RAP1GAP2: variants seen among roughly 807,000 people sequenced by gnomAD.
RAP1GAP2 encodes the protein RAP1 GTPase activating protein 2.
In RAP1GAP2, 27 loss-of-function variants were observed where a neutral mutation model predicts 95.0. The observed-to-expected ratio is 0.28, with a 90% CI of 0.21 to 0.39. The LOEUF (loss-of-function observed/expected upper bound fraction) is 0.39, where lower values mean the gene tolerates loss of function less well. Among genes scored for constraint, RAP1GAP2 ranks in the 10% least tolerant of loss-of-function variants. The pLI, the probability that RAP1GAP2 is intolerant of heterozygous loss-of-function variation, is 1.00. For missense variants in RAP1GAP2, 771 were observed against 970.0 expected (o/e 0.79, Z 2.72); for synonymous variants, 373 against 380.9 (o/e 0.98, Z 0.24).
rs1432774073 is a variant in RAP1GAP2, at chr17:2,904,506, C to G, written c.81-778C>G. On this transcript the variant is annotated intron_variant, in intron 2 of 24. Coordinates refer to ENST00000254695, the MANE Select transcript of RAP1GAP2 (RefSeq NM_015085.5). This position sits in a 1 kb window ranked among gnomAD's most constrained non-coding sequence, Gnocchi z 4.7. ...TTGCACGGCAGGCAGCCCTGTCTCC[C>G]GAGGACAGCTTTTTGACCAGGGCCT... 6.8e-6 allele frequency among the ~76,000 whole-genome samples: 1 copy of G among 146,086 alleles called. No homozygotes were observed. Among genetic ancestry groups the G allele is most frequent in the Non-Finnish European group, 1.5e-5 (1 of 65,888 alleles).
chr17:2,756,904 G>T (rs1421789510), intron 1 of RAP1GAP2, among the ~76,000 whole-genome samples: 1 of 152,112 alleles, frequency 6.6e-6, no homozygotes, highest in Non-Finnish European at 1.5e-5. Flanking sequence ...TTTGAACCAG[G>T]TCTTGCTCAG....
intron 2 of RAP1GAP2, among the ~76,000 whole-genome samples, chr17:2,823,699 A>G (rs1423563939): frequency 1.3e-5 from 2 of 152,222 alleles, no homozygotes; most frequent in African/African-American, 2.4e-5. Context: ...CTCAAGGTCA[A>G]AAGAGGCAAC....
chr17:2,844,337 A>G (rs11650814), intron 2 of RAP1GAP2, among the ~76,000 whole-genome samples: 24,674 of 152,054 alleles, frequency 0.16, 2,122 homozygotes, highest in East Asian at 0.19. Flanking sequence ...GCGGTTTCTG[A>G]AGCTGCTTTG....
At chr17:2,872,987 C>T (rs2072910592) in intron 2 of RAP1GAP2, among the ~76,000 whole-genome samples, 3 of 151,990 alleles carry the variant, frequency 2.0e-5, no homozygotes, top group Admixed American at 1.3e-4. Context: ...TCTGTAATCC[C>T]AGCTGCTTGG....
intron 3 of RAP1GAP2, among the ~76,000 whole-genome samples, chr17:2,936,562 A>C (rs145364630): frequency 6.6e-6 from 1 of 152,008 alleles, no homozygotes; most frequent in Non-Finnish European, 1.5e-5. Context: ...TGTGACCTTC[A>C]GCAGGCCAGT....
intron 3 of RAP1GAP2, among the ~76,000 whole-genome samples, chr17:2,943,410 C>T (rs1254458138): frequency 9.2e-5 from 14 of 152,204 alleles, no homozygotes; most frequent in Non-Finnish European, 1.5e-4. Flanking sequence ...ACAGTGCTCA[C>T]GCCTGTAATC....
chr17:3,013,069 G>C (rs1040943237), intron 17 of RAP1GAP2, among the ~76,000 whole-genome samples: 25 of 152,194 alleles, frequency 1.6e-4, no homozygotes, highest in African/African-American at 5.3e-4. Flanking sequence ...GATGGACCCG[G>C]GACCGTGGCA....
chr17:2,909,172 G>A (rs774974421), intron 3 of RAP1GAP2, among the ~76,000 whole-genome samples: 1 of 152,100 alleles, frequency 6.6e-6, no homozygotes, highest in East Asian at 1.9e-4. Flanking sequence ...TTCCTGAGGC[G>A]GCACCTCGAG....
chr17:2,977,746 TAAAA>T (rs35219186), intron 8 of RAP1GAP2, among the ~76,000 whole-genome samples: 4 of 76,860 alleles, frequency 5.2e-5, no homozygotes, highest in South Asian at 4.4e-4. Context: ...GACTCCGTCT[TAAAA>T]AAAAAAAAAA....
intron 2 of RAP1GAP2, among the ~76,000 whole-genome samples, chr17:2,887,624 C>T (rs1423445780): frequency 1.3e-5 from 2 of 151,924 alleles, no homozygotes; most frequent in East Asian, 3.9e-4. Context: ...ATCTGCCTGC[C>T]TCAGCCTCCC....
At chr17:2,962,495 A>G in intron 4 of RAP1GAP2, 175 bp from the exon 5 acceptor site, 2 of 628,320 alleles carry the variant, frequency 3.2e-6, no homozygotes, top group East Asian at 6.5e-5. Flanking sequence ...CTGTTGCCTC[A>G]CCTGAGGCTG....
At chr17:2,939,209 T>TCC in intron 3 of RAP1GAP2, among the ~76,000 whole-genome samples, 2 of 151,878 alleles carry the variant, frequency 1.3e-5, no homozygotes. Context: ...TCTGCCTCAC[T>TCC]CCCCCGAGTA....
chr17:2,874,168 G>T (rs946338445), intron 2 of RAP1GAP2, among the ~76,000 whole-genome samples: 5 of 152,194 alleles, frequency 3.3e-5, no homozygotes, highest in Non-Finnish European at 7.3e-5. Context: ...GATAATAAAA[G>T]AGTCTGTATT....
chr17:2,768,811 T>G (rs894157848), intron 1 of RAP1GAP2, among the ~76,000 whole-genome samples: 1 of 151,880 alleles, frequency 6.6e-6, no homozygotes, highest in Non-Finnish European at 1.5e-5. Flanking sequence ...CGGCCCAGCT[T>G]CCCTGATCCT....
chr17:2,947,443 A>G (rs60983350), intron 3 of RAP1GAP2, among the ~76,000 whole-genome samples: 49,170 of 151,966 alleles, frequency 0.32, 8,839 homozygotes, highest in Non-Finnish European at 0.41. Flanking sequence ...TAGCCATCCC[A>G]ACAAGCCCGC....
At chr17:2,838,066 T>C (rs1414923954) in intron 2 of RAP1GAP2, among the ~76,000 whole-genome samples, 1 of 129,688 alleles carries the variant, frequency 7.7e-6, no homozygotes, top group Non-Finnish European at 1.5e-5. Flanking sequence ...TCACCCAGGC[T>C]GGAGTGCGGT....
intron 2 of RAP1GAP2, chr17:2,854,032 G>A: frequency 1.0e-6 from 1 of 985,116 alleles, no homozygotes; most frequent in Non-Finnish European, 1.2e-6. Context: ...TTGCCGAAAG[G>A]CGGGGATCCG....
intron 3 of RAP1GAP2, among the ~76,000 whole-genome samples, chr17:2,932,842 A>AAG (rs2043198846): frequency 3.2e-5 from 3 of 94,158 alleles, no homozygotes; most frequent in East Asian, 2.8e-4. Flanking sequence ...AAAAAAAAAA[A>AAG]AGAGCAGGGA....
intron 1 of RAP1GAP2, among the ~76,000 whole-genome samples, chr17:2,781,947 T>G (rs1431522953): frequency 6.6e-6 from 1 of 152,188 alleles, no homozygotes; most frequent in Non-Finnish European, 1.5e-5. Context: ...CAGGTCTCTG[T>G]GTGTGCATGT....
Sources: allele counts gnomAD v4.1 joint callset (sites outside exome capture counted in the v4.1 genomes callset), GRCh38; gene constraint gnomAD v4.1.1; non-coding constraint Gnocchi (gnomAD v3.1); transcripts MANE v1.5; gene names NCBI Gene and HGNC (gene_info 2026-07-23, HGNC 2026-07-21).